Variants in ADK observed in about 807,000 individuals in gnomAD.
The protein encoded by ADK is adenosine kinase, also known as N6,N6-dimethyladenosine kinase.
ADK carries 24 observed loss-of-function variants against 44.7 expected under a neutral mutation model. That is an observed-to-expected ratio of 0.54 (90% CI 0.39 to 0.76). The LOEUF (loss-of-function observed/expected upper bound fraction) is 0.76, where lower values mean the gene tolerates loss of function less well. Ranked by LOEUF, ADK falls within the 30% of genes least tolerant of loss-of-function variation. The pLI is 0.00. For synonymous variants in ADK, 128 were observed against 142.6 expected, an observed-to-expected ratio of 0.90 and a Z score of 0.73; for missense variants, 321 against 425.1, an observed-to-expected ratio of 0.76 and a Z score of 2.15.
At chr10:74,401,257 G>A (rs1185206508) in intron 6 of ADK, among the ~76,000 whole-genome samples, 1 of 152,106 alleles carries the variant, frequency 6.6e-6, no homozygotes, top group Non-Finnish European at 1.5e-5. Context: ...AATATTTCCT[G>A]GCATAGTGGT....
chr10:74,228,140 A>G (rs182579673), intron 3 of ADK, among the ~76,000 whole-genome samples: 6 of 152,370 alleles, frequency 3.9e-5, no homozygotes, highest in Admixed American at 2.0e-4. Context: ...CAGATTTCAT[A>G]TACACTTAGT....
intron 6 of ADK, among the ~76,000 whole-genome samples, chr10:74,492,792 A>G (rs73272243): frequency 0.042 from 6,440 of 152,192 alleles, 417 homozygotes; most frequent in African/African-American, 0.13. Context: ...TTCATGTACC[A>G]TATTAGGAGG....
intron 10 of ADK, among the ~76,000 whole-genome samples, chr10:74,702,524 T>C (rs201744138): frequency 6.5e-4 from 79 of 120,792 alleles, no homozygotes; most frequent in African/African-American, 1.6e-3. Context: ...TCCTTCCTTC[T>C]TTCCTTCCTT....
At chr10:74,206,199 C>A (rs1268732304) in intron 2 of ADK, among the ~76,000 whole-genome samples, 1 of 152,116 alleles carries the variant, frequency 6.6e-6, no homozygotes, top group South Asian at 2.1e-4. Context: ...AGTATAGAGA[C>A]AAACCCATAA....
chr10:74,425,402 C>G (rs971407828), intron 6 of ADK, among the ~76,000 whole-genome samples: 1 of 152,094 alleles, frequency 6.6e-6, no homozygotes, highest in Non-Finnish European at 1.5e-5. Flanking sequence ...AGGATCCCAA[C>G]TTTATGTGGA....
At chr10:74,474,382 TG>T (rs1208613056) in intron 6 of ADK, among the ~76,000 whole-genome samples, 1 of 152,234 alleles carries the variant, frequency 6.6e-6, no homozygotes. Flanking sequence ...AGATCACATG[TG>T]TGACCCACCA....
At chr10:74,535,560 T>A (rs1054504352) in intron 7 of ADK, among the ~76,000 whole-genome samples, 7 of 151,502 alleles carry the variant, frequency 4.6e-5, no homozygotes, top group Non-Finnish European at 7.4e-5. Context: ...TCTGTAGGCA[T>A]GCTCAAAGGT....
intron 3 of ADK, among the ~76,000 whole-genome samples, chr10:74,251,057 C>T (rs532398378): frequency 5.3e-5 from 8 of 152,192 alleles, no homozygotes; most frequent in African/African-American, 1.4e-4. Context: ...TTAGAACTGA[C>T]AGGATTTAGT....
At chr10:74,297,728 A>G (rs531750954) in intron 3 of ADK, among the ~76,000 whole-genome samples, 3 of 152,352 alleles carry the variant, frequency 2.0e-5, no homozygotes, top group South Asian at 4.1e-4. Context: ...TTTATGACAC[A>G]TGAATGTTAT....
rs190757869 is a variant in ADK, at chr10:74,199,636, G to A, written c.66-1128G>A. Among the ~76,000 whole-genome samples the A allele has an allele frequency of 8.7e-3, 1,325 of 152,158 alleles. 9 individuals are homozygous for A. Among genetic ancestry groups the A allele is most frequent in the African/African-American group, 0.016 (659 of 41,518 alleles). Reference sequence around the variant, plus strand: ...CCATGTCTTTGCTATTGTGAAGAGTGCTGTAATAAACATATCCCTTTTTGG... The same window carrying A: ...CCATGTCTTTGCTATTGTGAAGAGTACTGTAATAAACATATCCCTTTTTGG... On this transcript the variant is annotated intron_variant, in intron 1 of 10. Transcript: ENST00000539909.
At chr10:74,345,411 G>C (rs1841731987) in intron 4 of ADK, among the ~76,000 whole-genome samples, 1 of 151,796 alleles carries the variant, frequency 6.6e-6, no homozygotes, top group Non-Finnish European at 1.5e-5. Flanking sequence ...AGGTTTAAGT[G>C]ATCCTCCCAC....
chr10:74,572,259 A>G (rs547268516), intron 7 of ADK, among the ~76,000 whole-genome samples: 1 of 152,124 alleles, frequency 6.6e-6, no homozygotes, highest in African/African-American at 2.4e-5. Flanking sequence ...TCCTTCACTT[A>G]TGAAGCTTAG....
intron 6 of ADK, among the ~76,000 whole-genome samples, chr10:74,427,321 C>T (rs973532853): frequency 2.0e-5 from 3 of 152,134 alleles, no homozygotes; most frequent in Non-Finnish European, 4.4e-5. Context: ...GCCTCAGCTT[C>T]CCGAGTAGCT....
chr10:74,600,555 A>T, intron 9 of ADK, 62 bp downstream of exon 9: 1 of 988,912 alleles, frequency 1.0e-6, no homozygotes, highest in South Asian at 1.5e-5. Context: ...ACAAAAAAAA[A>T]TTCTGTATTC....
intron 1 of ADK, among the ~76,000 whole-genome samples, chr10:74,153,343 C>A (rs974906701): frequency 1.3e-5 from 2 of 152,138 alleles, no homozygotes; most frequent in African/African-American, 4.8e-5. Flanking sequence ...AGGGGTGCTG[C>A]TAAACATGCT....
intron 3 of ADK, among the ~76,000 whole-genome samples, chr10:74,294,380 G>A (rs1010446697): frequency 1.8e-4 from 28 of 151,396 alleles, no homozygotes; most frequent in Admixed American, 3.9e-4. Context: ...TCCACCTCCC[G>A]GGTTCAAGTG....
At chr10:74,592,727 C>CT (rs1851765315) in intron 8 of ADK, among the ~76,000 whole-genome samples, 1 of 152,192 alleles carries the variant, frequency 6.6e-6, no homozygotes, top group Non-Finnish European at 1.5e-5. Flanking sequence ...AATGAGGATT[C>CT]TTTCATCTTA....
intron 3 of ADK, among the ~76,000 whole-genome samples, chr10:74,313,565 T>C (rs1756491377): frequency 6.6e-6 from 1 of 152,092 alleles, no homozygotes; most frequent in Non-Finnish European, 1.5e-5. Context: ...AGGTAATTAT[T>C]ATTTTTCACA....
chr10:74,534,602 G>C (rs1414235341), intron 7 of ADK, among the ~76,000 whole-genome samples: 2 of 152,114 alleles, frequency 1.3e-5, no homozygotes, highest in African/African-American at 2.4e-5. Flanking sequence ...TAATCTACAA[G>C]GCAATTCCAT....
Sources: gnomAD v4.1 joint callset for allele counts (sites outside exome capture counted in the v4.1 genomes callset) on GRCh38, gnomAD v4.1.1 for gene constraint, MANE v1.5 for transcripts, NCBI Gene and HGNC (gene_info 2026-07-23, HGNC 2026-07-21) for gene names.